MIX23: variants seen among roughly 807,000 people sequenced by gnomAD.
MIX23 encodes mitochondrial matrix import factor 23.
MIX23 carries 13 observed loss-of-function variants against 21.6 expected under a neutral mutation model. The observed-to-expected ratio is 0.60, with a 90% CI of 0.39 to 0.96. MIX23 has a LOEUF of 0.96. Among genes scored for constraint, MIX23 ranks in the 40% least tolerant of loss-of-function variants. The pLI is 0.00. For synonymous variants in MIX23, 59 were observed against 58.0 expected, an observed-to-expected ratio of 1.02 and a Z score of -0.08; for missense variants, 144 against 171.2, an observed-to-expected ratio of 0.84 and a Z score of 0.89.
intron 3 of MIX23, chr3:122,366,622 G>A (rs2075398577): frequency 6.6e-6 from 1 of 152,174 alleles, no homozygotes; most frequent in Non-Finnish European, 1.5e-5. Flanking sequence ...GGATCCGTAA[G>A]TCACCTATTA....
intron 1 of MIX23, among the ~76,000 whole-genome samples, chr3:122,381,736 A>T (rs946531148): frequency 7.9e-5 from 12 of 152,016 alleles, no homozygotes; most frequent in South Asian, 2.1e-4. Flanking sequence ...AATAAAAAAA[A>T]AAAAAAAAAG....
At chr3:122,359,998 G>A in intron 4 of MIX23, 79 bp from the exon 5 acceptor site, 1 of 1,291,980 alleles carries the variant, frequency 7.7e-7, no homozygotes, top group Non-Finnish European at 1.1e-6. Context: ...AATTTAGTAG[G>A]CTCCAAAAGG....
intron 1 of MIX23, among the ~76,000 whole-genome samples, chr3:122,373,241 G>C (rs2075456360): frequency 6.6e-6 from 1 of 151,548 alleles, no homozygotes; most frequent in African/African-American, 2.4e-5. Flanking sequence ...ATTATATTAT[G>C]AGCATAATAT....
chr3:122,377,712 G>C (rs1361059560), intron 1 of MIX23, among the ~76,000 whole-genome samples: 6 of 152,108 alleles, frequency 3.9e-5, no homozygotes, highest in Non-Finnish European at 8.8e-5. Context: ...GCCAAGCATG[G>C]TGGCATGTGC....
chr3:122,368,739 T>C (rs1456941725), intron 2 of MIX23, among the ~76,000 whole-genome samples: 1 of 152,202 alleles, frequency 6.6e-6, no homozygotes, highest in Non-Finnish European at 1.5e-5. Context: ...CTTTGTCCTT[T>C]CATATTTTTT....
At chr3:122,379,877 CATT>C (rs1392723693) in intron 1 of MIX23, among the ~76,000 whole-genome samples, 1 of 152,196 alleles carries the variant, frequency 6.6e-6, no homozygotes, top group African/African-American at 2.4e-5. Flanking sequence ...ATGAACCTCT[CATT>C]GTAGGCTGAC....
intron 1 of MIX23, among the ~76,000 whole-genome samples, chr3:122,376,981 G>A (rs537891305): frequency 6.6e-6 from 1 of 152,232 alleles, no homozygotes; most frequent in South Asian, 2.1e-4. Flanking sequence ...TCAGGAGTTT[G>A]AGACCAGTTT....
intron 2 of MIX23, among the ~76,000 whole-genome samples, chr3:122,369,760 A>T (rs2075425908): frequency 1.3e-5 from 2 of 152,108 alleles, no homozygotes; most frequent in Admixed American, 1.3e-4. Context: ...AGCAGCAAAC[A>T]TTTTTTTGAG....
At chr3:122,381,613 A>G (rs983525994) in intron 1 of MIX23, among the ~76,000 whole-genome samples, 3 of 151,862 alleles carry the variant, frequency 2.0e-5, no homozygotes, top group Non-Finnish European at 4.4e-5. Context: ...CTATAATCCC[A>G]GCTACTCAGG....
intron 1 of MIX23, among the ~76,000 whole-genome samples, chr3:122,382,726 G>A (rs2075543435): frequency 6.6e-6 from 1 of 152,122 alleles, no homozygotes; most frequent in African/African-American, 2.4e-5. Flanking sequence ...GCTTCCATAC[G>A]TCCTGTCCCA....
At chr3:122,369,036 A>C (rs951191633) in intron 2 of MIX23, among the ~76,000 whole-genome samples, 3 of 152,190 alleles carry the variant, frequency 2.0e-5, no homozygotes, top group African/African-American at 7.2e-5. Flanking sequence ...TTTATTTCCC[A>C]TCTTGATTCT....
At chr3:122,365,656 C>G (rs2075391426) in intron 3 of MIX23, 1 of 152,182 alleles carries the variant, frequency 6.6e-6, no homozygotes, top group Non-Finnish European at 1.5e-5. Flanking sequence ...GGGCAGATCT[C>G]AAGGCTGAGC....
At chr3:122,372,180 A>G (rs925513843) in intron 1 of MIX23, among the ~76,000 whole-genome samples, 2 of 144,760 alleles carry the variant, frequency 1.4e-5, no homozygotes, top group African/African-American at 5.2e-5. Flanking sequence ...ACCATAGCTC[A>G]TATGTTCCAA....
rs565466621 is a variant in MIX23, at chr3:122,368,348, GA to G, written c.178-27del. ...CTAAAAGAACAAAGGAATGAAAGGA[GA>G]AAAAAAAACTGCATAAATTTATCAC... On this transcript the variant is annotated intron_variant, in intron 2 of 4. Transcript: ENST00000291458. 1.4e-4 allele frequency: 215 copies of G among 1,499,530 alleles called. 2 individuals are homozygous for G. The highest frequency in any genetic ancestry group is 3.9e-4 in the East Asian group (16 of 41,350). 92.9% of individuals were successfully genotyped at this position (1,499,530 alleles called of 1,614,324 possible). A position where few individuals can be genotyped will look rare whatever the true frequency, so the allele number is the denominator to read the frequency against.
chr3:122,383,231 C>G lies in MIX23; in HGVS notation c.-7G>C, dbSNP rs1359414295. On this transcript the variant is annotated 5_prime_UTR_variant, in exon 1 of 5. Transcript: ENST00000291458. ...CGCCACTGGGCGCCGCCATATTGGA[C>G]AAACACGAGGACCCCGCTGCAGGCC... is the stretch of plus-strand genomic sequence containing the variant. The G allele has an allele frequency of 1.2e-6, 2 of 1,612,568 alleles. No individual in the cohort carries two copies. Among genetic ancestry groups the G allele is most frequent in the Non-Finnish European group, 1.7e-6 (2 of 1,179,992 alleles).
chr3:122,370,961 T>C (rs943765224), intron 2 of MIX23, among the ~76,000 whole-genome samples: 1 of 152,246 alleles, frequency 6.6e-6, no homozygotes, highest in East Asian at 1.9e-4. Context: ...GTTTAGGTTT[T>C]AAGGATGCCT....
intron 3 of MIX23, among the ~76,000 whole-genome samples, chr3:122,365,898 G>A (rs1391906717): frequency 6.6e-6 from 1 of 152,006 alleles, no homozygotes; most frequent in East Asian, 1.9e-4. Flanking sequence ...TATGCCGGCT[G>A]GACACGGTGG....
intron 3 of MIX23, among the ~76,000 whole-genome samples, chr3:122,365,113 A>C (rs913867393): frequency 1.3e-5 from 2 of 152,252 alleles, no homozygotes; most frequent in African/African-American, 4.8e-5. Context: ...TTCAACAGGT[A>C]AACTTAAGGC....
intron 3 of MIX23, 92 bp from the exon 4 acceptor site, chr3:122,363,119 T>C (rs1453633304): frequency 8.5e-6 from 9 of 1,055,348 alleles, no homozygotes; most frequent in Non-Finnish European, 1.3e-5. Flanking sequence ...ACCACACTCA[T>C]GTTTACCCAA....
Sources: gnomAD v4.1 joint callset for allele counts (sites outside exome capture counted in the v4.1 genomes callset) on GRCh38, gnomAD v4.1.1 for gene constraint, MANE v1.5 for transcripts, NCBI Gene and HGNC (gene_info 2026-07-23, HGNC 2026-07-21) for gene names.